Variants in CPSF2 observed in about 807,000 individuals in gnomAD.
CPSF2 encodes the protein cleavage and polyadenylation specific factor 2, also known as cleavage and polyadenylation specificity factor subunit 2.
In CPSF2, 51 loss-of-function variants were observed where a neutral mutation model predicts 84.2. The observed-to-expected ratio is 0.61, with a 90% CI of 0.48 to 0.77. The LOEUF is 0.77. Among genes scored for constraint, CPSF2 ranks in the 30% least tolerant of loss-of-function variants. The pLI is 0.00. For missense variants in CPSF2, 641 were observed against 929.4 expected, an observed-to-expected ratio of 0.69 and a Z score of 4.03; for synonymous variants, 286 against 311.9, an observed-to-expected ratio of 0.92 and a Z score of 0.87.
At position 92,143,217 on chromosome 14, in the gene CPSF2, C is replaced by T. The variant is rs146796310; in HGVS notation, c.1063C>T (p.Leu355=). 6.2e-7 allele frequency: 1 copy of T among 1,613,644 alleles called. No homozygotes were observed. Among genetic ancestry groups the T allele is most frequent in the Non-Finnish European group, 8.5e-7 (1 of 1,179,586 alleles). The change falls in exon 9 of 16, where the codon CTA becomes TTA. Residue 355 remains leucine (L), a synonymous_variant. Transcript: ENST00000298875. ...WCQDPKNSII[L]TYRTTPGTLA... is the part of the protein sequence containing the mutation. ...TCAGGACCCTAAAAACTCAATCATT[C>T]TAACCTACAGAACTACTCCTGGGAC...
chr14:92,141,894 T>C (rs1284583154), intron 7 of CPSF2, among the ~76,000 whole-genome samples: 1 of 152,200 alleles, frequency 6.6e-6, no homozygotes, highest in East Asian at 1.9e-4. Context: ...ATGTGTATTA[T>C]GATGTATAAA....
chr14:92,143,207 C>G lies in CPSF2; in HGVS notation c.1053C>G (p.Asn351Lys). The G allele has an allele frequency of 6.2e-7, 1 of 1,613,756 alleles. No individual in the cohort carries two copies. The highest frequency in any genetic ancestry group is 8.5e-7 in the Non-Finnish European group (1 of 1,179,678). The change falls in exon 9 of 16, where the codon AAC (asparagine) becomes AAG (lysine). Residue 351 changes from asparagine to lysine, a missense_variant. Transcript: ENST00000298875. ...LFIQWCQDPK[N>K]SIILTYRTTP... ...TTCAGTGGTGTCAGGACCCTAAAAA[C>G]TCAATCATTCTAACCTACAGAACTA...
chr14:92,155,261 C>A lies in CPSF2; in HGVS notation c.1380C>A (p.Ser460=). ...KGSFFKQAKK[S]YPMFPAPEER... is the part of the protein sequence containing the mutation. ...GTTTTTTCAAACAGGCAAAAAAGTC[C>A]TATCCTATGTTTCCTGCCCCAGAAG... The change falls in exon 11 of 16, where the codon TCC becomes TCA. Residue 460 remains serine, a synonymous_variant. Transcript: ENST00000298875. 1 of 1,614,042 alleles carries A rather than the reference C, an allele frequency of 6.2e-7. No homozygotes were observed.
At chr14:92,154,556 G>C in intron 10 of CPSF2, 98 bp downstream of exon 10, 3 of 825,988 alleles carry the variant, frequency 3.6e-6, no homozygotes, top group Non-Finnish European at 5.5e-6. Context: ...TTAAATTTTC[G>C]TAAGACTTAA....
chr14:92,138,462 CTCT>C (rs2069029705), intron 7 of CPSF2, 115 bp downstream of exon 7: 2 of 493,402 alleles, frequency 4.1e-6, no homozygotes, highest in Non-Finnish European at 6.9e-6. Flanking sequence ...CGGACTTTCG[CTCT>C]TTCACCCAGG....
intron 6 of CPSF2, among the ~76,000 whole-genome samples, chr14:92,137,934 C>T (rs551049362): frequency 1.4e-4 from 22 of 151,794 alleles, no homozygotes; most frequent in Non-Finnish European, 3.2e-4. Context: ...TACCATAAGA[C>T]AGGGCAAAAA....
chr14:92,146,074 G>A (rs531736065), intron 9 of CPSF2, among the ~76,000 whole-genome samples: 2 of 152,276 alleles, frequency 1.3e-5, no homozygotes, highest in Admixed American at 6.5e-5. Context: ...TCACTGAATC[G>A]TAATATGTAC....
chr14:92,140,465 G>A (rs1217990633), intron 7 of CPSF2, among the ~76,000 whole-genome samples: 3 of 138,760 alleles, frequency 2.2e-5, no homozygotes, highest in Admixed American at 1.6e-4. Context: ...ATGTAGTCTC[G>A]CTCTGTCGCC....
rs2069493105 is a variant in CPSF2 at position 92,169,609 on chromosome 14, A to G, written c.*7865A>G. 6.6e-6 allele frequency: 1 copy of G among 151,882 alleles called. No individual in the cohort carries two copies. Among genetic ancestry groups the G allele is most frequent in the Non-Finnish European group, 1.5e-5 (1 of 67,990 alleles). The allele number at this position is 151,882 out of a possible 1,614,324, so 9.4% of individuals were successfully genotyped here. On this transcript the variant is annotated 3_prime_UTR_variant, in exon 16 of 16. Transcript: ENST00000298875. Reference sequence around the variant, plus strand: ...TGTAAATTCTTTATCAGTTATAAGGAAAAACCAAATTCAAATTCTTAAGGT... The same window carrying G: ...TGTAAATTCTTTATCAGTTATAAGGGAAAACCAAATTCAAATTCTTAAGGT...
At chr14:92,156,422 A>G (rs2069290890) in intron 11 of CPSF2, 57 bp from the exon 12 acceptor site, 1 of 1,432,932 alleles carries the variant, frequency 7.0e-7, no homozygotes, top group Non-Finnish European at 9.5e-7. Context: ...CTAGTCATAT[A>G]TGTTATGTAG....
chr14:92,131,107 T>A lies in CPSF2; in HGVS notation c.123T>A (p.Ser41=). The A allele has an allele frequency of 6.2e-7, 1 of 1,606,526 alleles. No individual in the cohort carries two copies. Among genetic ancestry groups the A allele is most frequent in the South Asian group, 1.1e-5 (1 of 88,892 alleles). ...LLDCGWDEHF[S]MDIIDSLRKH... is the part of the protein sequence containing the mutation. The stretch of plus-strand genomic sequence containing the variant: ...ACTGTGGCTGGGATGAGCACTTTTC[T>A]ATGGATATTATTGATTCCCTGAGGA... The change falls in exon 3 of 16, where the codon TCT becomes TCA. Residue 41 remains serine, a synonymous_variant. Coordinates refer to ENST00000298875, the MANE Select transcript of CPSF2 (RefSeq NM_017437.3).
At chr14:92,155,039 A>G (rs1386989056) in intron 10 of CPSF2, 84 bp from the exon 11 acceptor site, 2 of 874,606 alleles carry the variant, frequency 2.3e-6, no homozygotes, top group Non-Finnish European at 3.6e-6. Context: ...AATATTGAGT[A>G]TGGATTCAGT....
At position 92,135,383 on chromosome 14, in the gene CPSF2, G is replaced by A. The variant is rs377764376; in HGVS notation, c.432G>A (p.Leu144=). 1 of 1,613,098 alleles carries A rather than the reference G, an allele frequency of 6.2e-7. No individual in the cohort carries two copies. Among genetic ancestry groups the A allele is most frequent in the South Asian group, 1.1e-5 (1 of 90,850 alleles). Residue 144 remains leucine (L), a synonymous_variant, in exon 6 of 16, where the codon CTG becomes CTA. Transcript: ENST00000298875. ...IVNLKGKGHG[L]SITPLPAGHM... is the part of the protein sequence containing the mutation. ...TTGACATAGGTAAAGGACATGGCCT[G>A]TCTATCACACCTCTGCCAGCTGGTC...
chr14:92,149,965 T>C (rs1452920727), intron 9 of CPSF2, among the ~76,000 whole-genome samples: 1 of 152,112 alleles, frequency 6.6e-6, no homozygotes, highest in Non-Finnish European at 1.5e-5. Context: ...TAGTAAAAGA[T>C]TTTTTAAAAT....
Position 92,155,318 on chromosome 14 carries a change from T to A in CPSF2, c.1437T>A (p.Ile479=), listed in dbSNP as rs186425908. The change falls in exon 11 of 16, where the codon ATT becomes ATA. Residue 479 remains isoleucine (I), a synonymous_variant. Transcript: ENST00000298875. Reference sequence around the variant, plus strand: ...TTAAATGGGATGAATATGGAGAGATTATCAAGTATGTGAGCAAAACAAACT... The same window carrying A: ...TTAAATGGGATGAATATGGAGAGATAATCAAGTATGTGAGCAAAACAAACT... ...ERIKWDEYGE[I]IKPEDFLVPE... The A allele has an allele frequency of 2.5e-6, 4 of 1,612,888 alleles. No homozygotes were observed. The highest frequency in any genetic ancestry group is 1.7e-4 in the Middle Eastern group (1 of 6,058).
At chr14:92,133,735 G>C (rs919147031) in intron 3 of CPSF2, among the ~76,000 whole-genome samples, 2 of 151,876 alleles carry the variant, frequency 1.3e-5, no homozygotes, top group African/African-American at 4.8e-5. Context: ...CTAAGTGCTG[G>C]GATTACAGGT....
chr14:92,123,007 G>A (rs1266639808), intron 1 of CPSF2, among the ~76,000 whole-genome samples: 3 of 151,794 alleles, frequency 2.0e-5, no homozygotes, highest in African/African-American at 7.3e-5. Flanking sequence ...TGAAACTGGG[G>A]CTCTCCCTCA....
intron 7 of CPSF2, among the ~76,000 whole-genome samples, chr14:92,140,661 T>G (rs2069065546): frequency 6.6e-6 from 1 of 151,700 alleles, no homozygotes; most frequent in African/African-American, 2.4e-5. Context: ...CTCGATCTCT[T>G]GACCTCATGA....
chr14:92,130,962 T>C lies in CPSF2; in HGVS notation c.-23T>C. ...ATTTCATTTGAAAGACTCTTCTAGC[T>C]TGCTGTTTCTGGACCAAAAAAAATG... On this transcript the variant is annotated 5_prime_UTR_variant, in exon 3 of 16. Coordinates refer to ENST00000298875, the MANE Select transcript of CPSF2 (RefSeq NM_017437.3). The C allele has an allele frequency of 6.2e-7, 1 of 1,604,068 alleles. No homozygotes were observed. The highest frequency in any genetic ancestry group is 1.1e-5 in the South Asian group (1 of 88,810).
Sources: allele counts gnomAD v4.1 joint callset (sites outside exome capture counted in the v4.1 genomes callset), GRCh38; gene constraint gnomAD v4.1.1; transcripts MANE v1.5; gene names NCBI Gene and HGNC (gene_info 2026-07-23, HGNC 2026-07-21).